Variants in DNAI7 observed in about 807,000 individuals in gnomAD.
The protein encoded by DNAI7 is cancer susceptibility 1.
Under a neutral mutation model 86.6 loss-of-function variants are expected in DNAI7, and 78 were observed. The observed-to-expected ratio is 0.90, with a 90% CI of 0.75 to 1.09. DNAI7 has a LOEUF of 1.09. DNAI7 is among the 50% of genes least tolerant of loss of function. The probability of loss-of-function intolerance (pLI) is 0.00; values close to 1 mark genes in which losing one functional copy is unlikely to be tolerated. For missense variants in DNAI7, 753 were observed against 810.2 expected (o/e 0.93, Z 0.86); for synonymous variants, 274 against 273.0 (o/e 1.00, Z -0.04).
At chr12:25,169,847 C>CCAAAAAAAAAA (rs1332962822) in intron 2 of DNAI7, among the ~76,000 whole-genome samples, 1 of 66,710 alleles carries the variant, frequency 1.5e-5, no homozygotes, top group African/African-American at 3.9e-5. Flanking sequence ...GACTCTGTCT[C>CCAAAAAAAAAA]AAAAAAAAAA....
chr12:25,176,443 C>G (rs944409921), intron 2 of DNAI7, among the ~76,000 whole-genome samples: 2 of 151,982 alleles, frequency 1.3e-5, no homozygotes, highest in Non-Finnish European at 2.9e-5. Flanking sequence ...CTAAAATTTT[C>G]CTGGATGTAC....
chr12:25,166,372 C>T (rs1947466921), intron 2 of DNAI7, among the ~76,000 whole-genome samples: 1 of 152,134 alleles, frequency 6.6e-6, no homozygotes, highest in Non-Finnish European at 1.5e-5. Flanking sequence ...CCCTCCACAA[C>T]CCATTATTCT....
At chr12:25,143,295 C>A (rs1395152112) in intron 9 of DNAI7, among the ~76,000 whole-genome samples, 1 of 146,586 alleles carries the variant, frequency 6.8e-6, no homozygotes, top group Non-Finnish European at 1.5e-5. Flanking sequence ...GTCACCCAGG[C>A]TGAAGTGCAA....
At chr12:25,129,547 C>T (rs1942593262) in intron 9 of DNAI7, among the ~76,000 whole-genome samples, 2 of 151,982 alleles carry the variant, frequency 1.3e-5, no homozygotes, top group South Asian at 2.1e-4. Flanking sequence ...TAACTTATTC[C>T]CATGGATTTT....
At chr12:25,175,119 A>C (rs571575715) in intron 2 of DNAI7, among the ~76,000 whole-genome samples, 1 of 152,230 alleles carries the variant, frequency 6.6e-6, no homozygotes, top group African/African-American at 2.4e-5. Context: ...AAAAAATAAA[A>C]TTTAAAAAAT....
chr12:25,165,077 T>C (rs570841847), intron 2 of DNAI7, among the ~76,000 whole-genome samples: 6 of 152,278 alleles, frequency 3.9e-5, no homozygotes, highest in Non-Finnish European at 7.4e-5. Context: ...CATGGCTCAT[T>C]TGGCAGCAAC....
intron 7 of DNAI7, among the ~76,000 whole-genome samples, chr12:25,147,896 C>A (rs1277593106): frequency 1.3e-5 from 2 of 152,128 alleles, no homozygotes; most frequent in Non-Finnish European, 2.9e-5. Context: ...CATGTTTTCA[C>A]TAGTCTAATA....
intron 3 of DNAI7, among the ~76,000 whole-genome samples, chr12:25,160,359 C>A (rs1391021296): frequency 6.6e-6 from 1 of 152,194 alleles, no homozygotes. Flanking sequence ...TCTTTGCCTT[C>A]TACTTTTAAA....
intron 10 of DNAI7, among the ~76,000 whole-genome samples, 175 bp downstream of exon 10, chr12:25,123,036 G>T (rs1592246534): frequency 6.6e-6 from 1 of 152,182 alleles, no homozygotes; most frequent in South Asian, 2.1e-4. Context: ...GAGAGACAGG[G>T]ATAAATTGAG....
rs896324755 is a variant in DNAI7 at position 25,160,796 on chromosome 12, A to AT, written c.106+316dup. Among the ~76,000 whole-genome samples, 100 of 150,308 alleles carry AT rather than the reference A, an allele frequency of 6.7e-4. 1 individual carries two copies. The highest frequency in any genetic ancestry group is 1.0e-3 in the Admixed American group (15 of 15,040). On this transcript the variant is annotated intron_variant, in intron 3 of 15. Transcript: ENST00000395987. ...CGGCACCAAAACTTTATTTAAAACA[A>AT]TTTTTTTTTTAAGTTAAGTATGTCC...
At chr12:25,154,247 T>G in intron 6 of DNAI7, 72 bp downstream of exon 6, 1 of 1,272,688 alleles carries the variant, frequency 7.9e-7, no homozygotes. Flanking sequence ...AAATGATATA[T>G]TAATTTTTAT....
chr12:25,133,984 G>T (rs984353087), intron 9 of DNAI7, among the ~76,000 whole-genome samples: 8 of 152,096 alleles, frequency 5.3e-5, no homozygotes, highest in Admixed American at 4.6e-4. Flanking sequence ...CTTGGACTAT[G>T]TATTTGTTTT....
At chr12:25,134,291 T>C (rs554937447) in intron 9 of DNAI7, among the ~76,000 whole-genome samples, 1 of 151,334 alleles carries the variant, frequency 6.6e-6, no homozygotes, top group East Asian at 1.9e-4. Flanking sequence ...TATTTGAACA[T>C]AGCCTCAAAT....
chr12:25,118,696 G>A (rs1940686760), intron 12 of DNAI7, among the ~76,000 whole-genome samples: 1 of 152,028 alleles, frequency 6.6e-6, no homozygotes, highest in Non-Finnish European at 1.5e-5. Flanking sequence ...CAAGTAGCTG[G>A]GATTACAGGT....
intron 9 of DNAI7, among the ~76,000 whole-genome samples, chr12:25,124,658 A>G (rs1941849875): frequency 6.6e-6 from 1 of 152,076 alleles, no homozygotes; most frequent in Non-Finnish European, 1.5e-5. Flanking sequence ...GTGCATGTGA[A>G]GGCTTGTTGT....
chr12:25,182,661 G>A (rs1949640189), intron 2 of DNAI7, among the ~76,000 whole-genome samples: 1 of 147,638 alleles, frequency 6.8e-6, no homozygotes, highest in African/African-American at 2.5e-5. Flanking sequence ...TGGCTCTCAT[G>A]CCTGTAATCT....
rs755651895 is a variant in DNAI7 at position 25,158,486 on chromosome 12, G to A, written c.184C>T (p.Arg62Ter). 22 of 1,611,660 alleles carry A rather than the reference G, an allele frequency of 1.4e-5. No individual in the cohort carries two copies. The highest frequency in any genetic ancestry group is 1.7e-4 in the Middle Eastern group (1 of 6,002). The change falls in exon 4 of 16, where the codon CGA (arginine) becomes TGA (stop). Residue 62 changes from arginine to a stop codon, truncating the protein, a stop_gained. Transcript: ENST00000395987. LOFTEE classifies it high-confidence loss of function. ...TGTTTATTTACTTTTGCTTCAAGTCGATGCCATTTTTCTTTCTCAATTCGC... is the reference window on the plus strand; with the variant it reads ...TGTTTATTTACTTTTGCTTCAAGTCAATGCCATTTTTCTTTCTCAATTCGC... ...IQRIEKEKWH[R>*]LEAKDLERRN...
At chr12:25,113,992 C>A (rs565336987) in intron 13 of DNAI7, among the ~76,000 whole-genome samples, 5 of 130,136 alleles carry the variant, frequency 3.8e-5, no homozygotes, top group Admixed American at 1.8e-4. Flanking sequence ...GTTGCCCAGG[C>A]TGGAGTGCAG....
At chr12:25,157,277 CAAAA>C (rs34695125) in intron 4 of DNAI7, among the ~76,000 whole-genome samples, 4 of 89,020 alleles carry the variant, frequency 4.5e-5, no homozygotes, top group African/African-American at 9.2e-5. Context: ...GACTCCGTCT[CAAAA>C]AAAAAAAAAA....
Sources: gnomAD v4.1 joint callset for allele counts (sites outside exome capture counted in the v4.1 genomes callset) on GRCh38, gnomAD v4.1.1 for gene constraint, MANE v1.5 for transcripts, NCBI Gene and HGNC (gene_info 2026-07-23, HGNC 2026-07-21) for gene names.